The following PEAK1 variants were observed in gnomAD, a reference collection of about 807,000 sequenced individuals.
PEAK1 encodes the protein inactive tyrosine-protein kinase PEAK1.
Under a neutral mutation model 124.7 loss-of-function variants are expected in PEAK1, and 54 were observed. The observed-to-expected ratio is 0.43, with a 90% CI of 0.35 to 0.54. The LOEUF (loss-of-function observed/expected upper bound fraction) is 0.54. Ranked by LOEUF, PEAK1 falls within the 20% of genes least tolerant of loss-of-function variation. The pLI, the probability that PEAK1 is intolerant of heterozygous loss-of-function variation, is 0.01. For synonymous variants in PEAK1, 719 were observed against 760.0 expected (o/e 0.95, Z 0.89); for missense variants, 2,046 against 2,134.5 (o/e 0.96, Z 0.82).
intron 6 of PEAK1, among the ~76,000 whole-genome samples, chr15:77,235,376 T>C (rs2060074592): frequency 6.6e-6 from 1 of 152,082 alleles, no homozygotes; most frequent in Non-Finnish European, 1.5e-5. Flanking sequence ...CTGATAGTGA[T>C]ATGGACAATT....
At chr15:77,402,819 T>C (rs1415981288) in intron 1 of PEAK1, 13 of 985,260 alleles carry the variant, frequency 1.3e-5, no homozygotes, top group African/African-American at 1.7e-5. Context: ...ATAAAAGCCA[T>C]GTTGTATGAA....
At chr15:77,244,308 A>G (rs896792661) in intron 6 of PEAK1, among the ~76,000 whole-genome samples, 15 of 152,242 alleles carry the variant, frequency 9.9e-5, no homozygotes, top group African/African-American at 3.4e-4. Context: ...TTTCAGTGGC[A>G]GCAGATGGAA....
chr15:77,185,397 G>C (rs1207578944), intron 6 of PEAK1, among the ~76,000 whole-genome samples: 2 of 152,228 alleles, frequency 1.3e-5, no homozygotes, highest in Non-Finnish European at 2.9e-5. Context: ...GAACCAGGGA[G>C]AAGGGGCTAC....
chr15:77,417,796 C>T (rs921139827), intron 1 of PEAK1: 2 of 985,212 alleles, frequency 2.0e-6, no homozygotes, highest in African/African-American at 3.5e-5. Context: ...CACCACGGAA[C>T]AATTTAGAAG....
intron 6 of PEAK1, among the ~76,000 whole-genome samples, chr15:77,212,831 T>C (rs2058966507): frequency 6.6e-6 from 1 of 152,202 alleles, no homozygotes; most frequent in South Asian, 2.1e-4. Flanking sequence ...AAACATCTCA[T>C]CAGAGAGCAT....
In PEAK1 at chr15:77,361,008, CA is replaced by C. The variant is rs770710301; in HGVS notation, c.-603+4154del. Among the ~76,000 whole-genome samples, 42 of 151,978 alleles carry C rather than the reference CA, an allele frequency of 2.8e-4. No individual in the cohort carries two copies. The Middle Eastern group carries it at 0.01, about 37-fold the overall frequency. On this transcript the variant is annotated intron_variant, in intron 2 of 9. Coordinates refer to ENST00000682557, the MANE Select transcript of PEAK1 (RefSeq NM_001385026.1). ...ACCTGAAAAGCGCAGGCAACTAAAG[CA>C]AAAGAAACAAACGGGATTACATCAA...
chr15:77,126,106 T>A (rs917466251), intron 9 of PEAK1, among the ~76,000 whole-genome samples: 1 of 152,222 alleles, frequency 6.6e-6, no homozygotes, highest in Non-Finnish European at 1.5e-5. Context: ...TAGGACATCA[T>A]TTTTTAACTA....
intron 2 of PEAK1, among the ~76,000 whole-genome samples, chr15:77,344,963 C>T (rs2066777135): frequency 6.6e-6 from 1 of 152,318 alleles, no homozygotes; most frequent in South Asian, 2.1e-4. Flanking sequence ...GGGTTTTCTA[C>T]ATATAAGATC....
At chr15:77,192,939 TC>T (rs1266945257) in intron 6 of PEAK1, among the ~76,000 whole-genome samples, 1 of 152,194 alleles carries the variant, frequency 6.6e-6, no homozygotes, top group Non-Finnish European at 1.5e-5. Context: ...CTCTTCTGTG[TC>T]TTTTTTCTGT....
intron 9 of PEAK1, among the ~76,000 whole-genome samples, chr15:77,129,601 A>ATTTTTTTTTTTT: frequency 7.2e-6 from 1 of 139,606 alleles, no homozygotes. Flanking sequence ...ATGACTGGCT[A>ATTTTTTTTTTTT]TTTTTTTTTT....
chr15:77,217,533 T>C (rs1567127540), intron 6 of PEAK1, among the ~76,000 whole-genome samples: 1 of 152,202 alleles, frequency 6.6e-6, no homozygotes, highest in Non-Finnish European at 1.5e-5. Context: ...TTCATTCTTC[T>C]CATTAAACAA....
chr15:77,272,831 T>C (rs1019725640), intron 5 of PEAK1, among the ~76,000 whole-genome samples: 1 of 151,872 alleles, frequency 6.6e-6, no homozygotes, highest in African/African-American at 2.4e-5. Context: ...CAAACCAATA[T>C]CCCTGATGAA....
intron 1 of PEAK1, among the ~76,000 whole-genome samples, chr15:77,397,178 C>G (rs2070957809): frequency 6.6e-6 from 1 of 151,990 alleles, no homozygotes; most frequent in Non-Finnish European, 1.5e-5. Context: ...TATATAAACA[C>G]AAAGAAAGTA....
At chr15:77,170,889 C>T (rs1006031993) in intron 7 of PEAK1, among the ~76,000 whole-genome samples, 2 of 152,026 alleles carry the variant, frequency 1.3e-5, no homozygotes, top group Non-Finnish European at 2.9e-5. Flanking sequence ...CAAAGAGTTG[C>T]AGAAATGGTA....
chr15:77,140,151 T>C (rs1470144028), intron 8 of PEAK1, among the ~76,000 whole-genome samples: 1 of 152,182 alleles, frequency 6.6e-6, no homozygotes, highest in Non-Finnish European at 1.5e-5. Context: ...CACTGATGAA[T>C]TCTACCAAAT....
At chr15:77,116,561 A>G (rs74364657) in intron 9 of PEAK1, among the ~76,000 whole-genome samples, 1 of 143,168 alleles carries the variant, frequency 7.0e-6, no homozygotes, top group Non-Finnish European at 1.5e-5. Flanking sequence ...CAAATAGATT[A>G]AAAAAAAAAA....
At chr15:77,337,454 G>A in intron 2 of PEAK1, 1 of 976,360 alleles carries the variant, frequency 1.0e-6, no homozygotes, top group Non-Finnish European at 1.2e-6. Context: ...GAAATTAATA[G>A]GTCTGTAACA....
intron 9 of PEAK1, among the ~76,000 whole-genome samples, chr15:77,127,905 C>T (rs1393003461): frequency 6.6e-6 from 1 of 151,860 alleles, no homozygotes. Flanking sequence ...CATGGTGAAA[C>T]CCTGTCTCTA....
intron 8 of PEAK1, among the ~76,000 whole-genome samples, chr15:77,136,913 A>G (rs1249936950): frequency 6.6e-6 from 1 of 152,196 alleles, no homozygotes; most frequent in Non-Finnish European, 1.5e-5. Flanking sequence ...GGCCTAGGAG[A>G]AAAAAGTAGT....
Sources: allele counts gnomAD v4.1 joint callset (sites outside exome capture counted in the v4.1 genomes callset), GRCh38; gene constraint gnomAD v4.1.1; transcripts MANE v1.5; gene names NCBI Gene and HGNC (gene_info 2026-07-23, HGNC 2026-07-21).